The following STXBP5L variants were observed in gnomAD, a reference collection of about 807,000 sequenced individuals.
STXBP5L encodes the protein syntaxin binding protein 5L.
A neutral mutation model predicts 144.5 loss-of-function variants in STXBP5L; 65 were observed. The ratio of observed to expected loss-of-function variants is 0.45; its 90% CI spans 0.37 to 0.55. The LOEUF (loss-of-function observed/expected upper bound fraction) is 0.55, where lower values mean the gene tolerates loss of function less well. Ranked by LOEUF, STXBP5L falls within the 20% of genes least tolerant of loss-of-function variation. The pLI, the probability that STXBP5L is intolerant of heterozygous loss-of-function variation, is 0.00. For missense variants in STXBP5L, 1,298 were observed against 1,405.5 expected, an observed-to-expected ratio of 0.92 and a Z score of 1.22; for synonymous variants, 505 against 469.6, an observed-to-expected ratio of 1.08 and a Z score of -0.97.
chr3:120,920,806 A>G (rs1214197642), intron 2 of STXBP5L, among the ~76,000 whole-genome samples: 1 of 151,884 alleles, frequency 6.6e-6, no homozygotes, highest in African/African-American at 2.4e-5. Flanking sequence ...TGTTACTGCA[A>G]GTGACAAGAT....
Position 121,058,318 on chromosome 3 carries a change from T to C in STXBP5L, c.470+12783T>C, listed in dbSNP as rs138523256. 9.6e-3 allele frequency among the ~76,000 whole-genome samples: 1,464 copies of C among 152,358 alleles called. 9 individuals are homozygous for C. Among genetic ancestry groups the C allele is most frequent in the Non-Finnish European group, 0.015 (995 of 68,038 alleles). On this transcript the variant is annotated intron_variant, in intron 5 of 26. Coordinates refer to ENST00000471454, the MANE Select transcript of STXBP5L (RefSeq NM_001308330.2). ...AAAGACATGAACTAATCCTTTTCTA[T>C]GGCTGCATAGGAGTCCATGGTGTAC...
At chr3:120,991,646 C>T (rs994970851) in intron 3 of STXBP5L, among the ~76,000 whole-genome samples, 4 of 152,148 alleles carry the variant, frequency 2.6e-5, no homozygotes, top group Non-Finnish European at 5.9e-5. Context: ...GAATACTGTG[C>T]AGCCATAAAA....
Position 121,080,277 on chromosome 3 carries a change from C to T in STXBP5L, c.471-34648C>T, listed in dbSNP as rs983470077. Among the ~76,000 whole-genome samples, 30 of 152,220 alleles carry T rather than the reference C, an allele frequency of 2.0e-4. No homozygotes were observed. In the South Asian group the frequency reaches 2.9e-3, roughly 15 times the overall value. ...TTGGGTTGGTGGTGTTTTATTCATT[C>T]TGCCATTCTGTATCTTTTAAGTGGA... On this transcript the variant is annotated intron_variant, in intron 5 of 26. Transcript: ENST00000471454.
At chr3:120,967,261 G>C (rs1476357013) in intron 3 of STXBP5L, among the ~76,000 whole-genome samples, 1 of 152,186 alleles carries the variant, frequency 6.6e-6, no homozygotes, top group East Asian at 1.9e-4. Context: ...TCCTGGGTGA[G>C]ACAATGCATC....
chr3:121,068,844 C>T (rs2041671375), intron 5 of STXBP5L, among the ~76,000 whole-genome samples: 1 of 151,958 alleles, frequency 6.6e-6, no homozygotes, highest in South Asian at 2.1e-4. Flanking sequence ...CTTTATTTTA[C>T]TGCAGCTTTG....
In STXBP5L at chr3:121,235,857, A is replaced by G. The variant is rs951595648; in HGVS notation, c.1184+2169A>G. On this transcript the variant is annotated intron_variant, in intron 12 of 26. Coordinates refer to ENST00000471454, the MANE Select transcript of STXBP5L (RefSeq NM_001308330.2). ...CACACACACATACACACACACACAC[A>G]CACACACTATATTCTCTGGAGATTG... Among the ~76,000 whole-genome samples the G allele has an allele frequency of 3.3e-5, 5 of 151,836 alleles. No homozygotes were observed. In the East Asian group the frequency reaches 9.6e-4, roughly 29 times the overall value.
At chr3:121,038,440 T>C (rs1276015284) in intron 3 of STXBP5L, among the ~76,000 whole-genome samples, 1 of 152,022 alleles carries the variant, frequency 6.6e-6, no homozygotes, top group Non-Finnish European at 1.5e-5. Flanking sequence ...AATTTCAAAT[T>C]CAATTGTGGT....
intron 12 of STXBP5L, among the ~76,000 whole-genome samples, chr3:121,237,022 G>A (rs1247362610): frequency 6.6e-6 from 1 of 152,170 alleles, no homozygotes; most frequent in Non-Finnish European, 1.5e-5. Context: ...TGCAAGGGGT[G>A]GGCTCCCAAG....
chr3:121,209,480 C>T lies in STXBP5L; in HGVS notation c.956+3479C>T, dbSNP rs535767873. Among the ~76,000 whole-genome samples, 13 of 151,958 alleles carry T rather than the reference C, an allele frequency of 8.6e-5. No homozygotes were observed. The South Asian group carries it at 1.7e-3, about 19-fold the overall frequency. On this transcript the variant is annotated intron_variant, in intron 10 of 26. Transcript: ENST00000471454. ...TAAGTTCTAGGGTACATGTGCACAA[C>T]GTGCAGGTTTGTTACATATGTATAC...
chr3:121,092,178 G>C lies in STXBP5L; in HGVS notation c.471-22747G>C, dbSNP rs1350701839. 2.0e-5 allele frequency among the ~76,000 whole-genome samples: 3 copies of C among 152,212 alleles called. No homozygotes were observed. In the East Asian group the frequency reaches 5.8e-4, roughly 29 times the overall value. The stretch of plus-strand genomic sequence containing the variant: ...ATGCTGTTTTGGTTACTGTAGCCTT[G>C]TAGTATAGTTTGAAGTCAGGTAGCA... On this transcript the variant is annotated intron_variant, in intron 5 of 26. Transcript: ENST00000471454.
At chr3:121,057,325 T>A (rs1291698292) in intron 5 of STXBP5L, among the ~76,000 whole-genome samples, 1 of 152,030 alleles carries the variant, frequency 6.6e-6, no homozygotes, top group Non-Finnish European at 1.5e-5. Context: ...ACTCTTTATA[T>A]AGACTTTCCC....
intron 19 of STXBP5L, among the ~76,000 whole-genome samples, chr3:121,293,586 G>A (rs994253240): frequency 7.9e-5 from 12 of 152,194 alleles, no homozygotes; most frequent in African/African-American, 2.9e-4. Context: ...TAGGCCAGGT[G>A]CGGTGGCTCA....
intron 20 of STXBP5L, chr3:121,357,288 ATTG>A (rs1455906747): frequency 1.6e-5 from 3 of 192,278 alleles, no homozygotes; most frequent in Non-Finnish European, 3.7e-5. Context: ...AGAGAACAAA[ATTG>A]TTGTAGGTAG....
intron 2 of STXBP5L, among the ~76,000 whole-genome samples, chr3:120,930,356 A>G (rs951918818): frequency 6.6e-6 from 1 of 151,652 alleles, no homozygotes; most frequent in Non-Finnish European, 1.5e-5. Context: ...TTTAGGGCTT[A>G]TATTATTTCC....
At chr3:121,392,350 G>A (rs116868686) in intron 22 of STXBP5L, among the ~76,000 whole-genome samples, 43 of 152,188 alleles carry the variant, frequency 2.8e-4, no homozygotes, top group East Asian at 1.4e-3. Context: ...CACCCCTTGC[G>A]CTTCCCAGGT....
intron 9 of STXBP5L, among the ~76,000 whole-genome samples, chr3:121,177,269 AAT>A (rs2046972763): frequency 6.6e-6 from 1 of 152,134 alleles, no homozygotes; most frequent in Non-Finnish European, 1.5e-5. Flanking sequence ...CTAAAATAAA[AAT>A]ATGTTTACTT....
At chr3:121,005,976 G>A (rs1157217273) in intron 3 of STXBP5L, among the ~76,000 whole-genome samples, 5 of 152,132 alleles carry the variant, frequency 3.3e-5, no homozygotes, top group Non-Finnish European at 7.4e-5. Context: ...TTCCAACTAT[G>A]TGGTCACTTT....
intron 7 of STXBP5L, among the ~76,000 whole-genome samples, chr3:121,125,188 G>A (rs2044649039): frequency 6.6e-6 from 1 of 152,074 alleles, no homozygotes; most frequent in Non-Finnish European, 1.5e-5. Flanking sequence ...AGATAATATG[G>A]TTGGGCGCAG....
chr3:121,138,683 T>C (rs976892983), intron 7 of STXBP5L, among the ~76,000 whole-genome samples: 1 of 152,046 alleles, frequency 6.6e-6, no homozygotes, highest in East Asian at 1.9e-4. Flanking sequence ...TAATAAATAA[T>C]ATTGGGAAAA....
Sources: allele counts gnomAD v4.1 joint callset (sites outside exome capture counted in the v4.1 genomes callset), GRCh38; gene constraint gnomAD v4.1.1; transcripts MANE v1.5; gene names NCBI Gene and HGNC (gene_info 2026-07-23, HGNC 2026-07-21).